Variants in NXN observed in about 807,000 individuals in gnomAD.
The protein encoded by NXN is nucleoredoxin.
NXN carries 16 observed loss-of-function variants against 48.6 expected under a neutral mutation model. The ratio of observed to expected loss-of-function variants is 0.33; its 90% CI spans 0.22 to 0.50. The LOEUF (loss-of-function observed/expected upper bound fraction) is 0.50, where lower values mean the gene tolerates loss of function less well. NXN is among the 20% of genes least tolerant of loss of function. The pLI, the probability that NXN is intolerant of heterozygous loss-of-function variation, is 0.98. For synonymous variants in NXN, 281 were observed against 269.6 expected, an observed-to-expected ratio of 1.04 and a Z score of -0.41; for missense variants, 492 against 605.5, an observed-to-expected ratio of 0.81 and a Z score of 1.97.
In NXN at chr17:978,893, A is replaced by G. The variant is rs904610769; in HGVS notation, c.360+426T>C. 1.3e-5 allele frequency among the ~76,000 whole-genome samples: 2 copies of G among 150,668 alleles called. No individual in the cohort carries two copies. The highest frequency in any genetic ancestry group is 1.3e-4 in the Admixed American group (2 of 15,186). ...ATCCGCGGGGGTCGGCGGCGGAGGCAGGAAGGGCCTGGCGCCTCTGCTCGC... is the reference window on the plus strand; with the variant it reads ...ATCCGCGGGGGTCGGCGGCGGAGGCGGGAAGGGCCTGGCGCCTCTGCTCGC... On this transcript the variant is annotated intron_variant, in intron 1 of 7. Coordinates refer to ENST00000336868, the MANE Select transcript of NXN (RefSeq NM_022463.5). The surrounding 1 kb of genome is among the most constrained non-coding windows in gnomAD (Gnocchi z 4.1).
chr17:940,129 G>C (rs1236288504), intron 1 of NXN, among the ~76,000 whole-genome samples: 1 of 143,538 alleles, frequency 7.0e-6, no homozygotes, highest in African/African-American at 2.5e-5. Context: ...GGTAGAGATC[G>C]AGGTGGGGGG....
At chr17:976,967 T>G (rs891667427) in intron 1 of NXN, among the ~76,000 whole-genome samples, 1 of 152,122 alleles carries the variant, frequency 6.6e-6, no homozygotes, top group Non-Finnish European at 1.5e-5. Context: ...GGTTTCTCCA[T>G]GTTGGTCAGG....
At chr17:846,142 G>A (rs1027558960) in intron 1 of NXN, among the ~76,000 whole-genome samples, 1 of 152,012 alleles carries the variant, frequency 6.6e-6, no homozygotes, top group Non-Finnish European at 1.5e-5. Context: ...CAATTTTAAG[G>A]AAATTGCCAG....
Position 801,082 on chromosome 17 carries a change from G to A in NXN, c.1175C>T (p.Ala392Val). The change falls in exon 8 of 8, where the codon GCC becomes GTC. Residue 392 changes from alanine (A) to valine (V), a missense_variant. This residue lies in a region of NXN where 303 missense variants were observed against 388.3 expected (regional missense o/e 0.78). Transcript: ENST00000336868. ...CATGTCCAGGATGGTGAGCAAAGGG[G>A]CAGCCTCAGGCAGGTTGGTGTAATC... The part of the protein sequence containing the change: ...LRDYTNLPEA[A>V]PLLTILDMSA... The A allele has an allele frequency of 6.3e-7, 1 of 1,575,110 alleles. No individual in the cohort carries two copies. Among genetic ancestry groups the A allele is most frequent in the Non-Finnish European group, 8.6e-7 (1 of 1,159,698 alleles).
intron 1 of NXN, among the ~76,000 whole-genome samples, chr17:861,788 T>C (rs1047555010): frequency 6.6e-6 from 1 of 151,932 alleles, no homozygotes; most frequent in South Asian, 2.1e-4. Context: ...GAGTCTGAAA[T>C]GATACTAAAA....
rs2069464683 is a variant in NXN at position 976,800 on chromosome 17, C to T, written c.360+2519G>A. On this transcript the variant is annotated intron_variant, in intron 1 of 7. Transcript: ENST00000336868. ...TTTTTTTTTGAGACAGAGTTTCGCT[C>T]TTGTTGCCCAGACTGGGGTGCAATG... Among the ~76,000 whole-genome samples the T allele has an allele frequency of 2.0e-5, 3 of 148,366 alleles. No homozygotes were observed. The South Asian group carries it at 6.3e-4, about 31-fold the overall frequency.
chr17:979,018 G>C (rs1474033773), intron 1 of NXN, among the ~76,000 whole-genome samples: 1 of 149,258 alleles, frequency 6.7e-6, no homozygotes, highest in Non-Finnish European at 1.5e-5. Context: ...GATCCCGGGG[G>C]CCGAGGGGGG....
At chr17:850,197 T>C (rs1451226454) in intron 1 of NXN, among the ~76,000 whole-genome samples, 1 of 152,104 alleles carries the variant, frequency 6.6e-6, no homozygotes, top group Non-Finnish European at 1.5e-5. Context: ...TGACGGACGC[T>C]CTCAGCCCTT....
At chr17:872,613 CTTT>C (rs34081114) in intron 1 of NXN, among the ~76,000 whole-genome samples, 8 of 75,414 alleles carry the variant, frequency 1.1e-4, no homozygotes, top group East Asian at 4.1e-4. Flanking sequence ...CGGGTGAGAT[CTTT>C]TTTTTTTTTT....
At chr17:812,916 AGGTG>A (rs1912229506) in intron 5 of NXN, among the ~76,000 whole-genome samples, 1 of 97,274 alleles carries the variant, frequency 1.0e-5, no homozygotes, top group African/African-American at 3.9e-5. Flanking sequence ...GTGTGACTGT[AGGTG>A]TGTGCGTGTG....
At chr17:945,596 A>T (rs1597264086) in intron 1 of NXN, among the ~76,000 whole-genome samples, 2 of 145,362 alleles carry the variant, frequency 1.4e-5, no homozygotes, top group African/African-American at 5.2e-5. Context: ...GTGCCACTGC[A>T]CTCCAGCCTG....
chr17:892,050 ACC>A (rs2068427103), intron 1 of NXN, among the ~76,000 whole-genome samples: 1 of 150,822 alleles, frequency 6.6e-6, no homozygotes, highest in East Asian at 2.0e-4. Context: ...CCAACAGGGA[ACC>A]TAAACTAACC....
intron 1 of NXN, among the ~76,000 whole-genome samples, chr17:835,170 T>C (rs1009550049): frequency 2.0e-5 from 3 of 150,188 alleles, no homozygotes; most frequent in African/African-American, 4.9e-5. Context: ...TAGCCGGGTG[T>C]GGTGACGGGT....
chr17:975,766 T>A (rs184507511), intron 1 of NXN, among the ~76,000 whole-genome samples: 18 of 152,320 alleles, frequency 1.2e-4, no homozygotes, highest in African/African-American at 4.3e-4. Context: ...AGTGCTCACT[T>A]CTATGAGGCT....
chr17:883,473 C>T (rs1016308024), intron 1 of NXN, among the ~76,000 whole-genome samples: 1 of 152,182 alleles, frequency 6.6e-6, no homozygotes, highest in Non-Finnish European at 1.5e-5. Flanking sequence ...ACCCCGCCTA[C>T]ATCACCTCCA....
intron 1 of NXN, among the ~76,000 whole-genome samples, chr17:918,661 T>A (rs991096176): frequency 6.6e-6 from 1 of 151,386 alleles, no homozygotes; most frequent in Admixed American, 6.6e-5. Flanking sequence ...GGCGCGGTGG[T>A]GGGCGGCTGT....
chr17:841,865 G>T (rs541160716), intron 1 of NXN, among the ~76,000 whole-genome samples: 1 of 152,174 alleles, frequency 6.6e-6, no homozygotes, highest in African/African-American at 2.4e-5. Flanking sequence ...GGTGGCGCAC[G>T]GCGGCTCACG....
intron 1 of NXN, among the ~76,000 whole-genome samples, chr17:829,293 T>C (rs1036107605): frequency 2.6e-5 from 4 of 151,768 alleles, no homozygotes; most frequent in African/African-American, 4.8e-5. Flanking sequence ...GTAGCTGGGA[T>C]TACAGGCATG....
rs570330514 is a variant in NXN at position 915,645 on chromosome 17, G to A, written c.360+63674C>T. On this transcript the variant is annotated intron_variant, in intron 1 of 7. Coordinates refer to ENST00000336868, the MANE Select transcript of NXN (RefSeq NM_022463.5). ...AGAATGAATGAGTACATAGTGTAAC[G>A]CTTCCGAGCTTTGGTGCAGGAGGAA... Among the ~76,000 whole-genome samples, 95 of 152,256 alleles carry A rather than the reference G, an allele frequency of 6.2e-4. 2 individuals carry two copies. Among genetic ancestry groups the A allele is most frequent in the African/African-American group, 2.9e-4 (12 of 41,560 alleles).
Sources: allele counts gnomAD v4.1 joint callset (sites outside exome capture counted in the v4.1 genomes callset), GRCh38; gene constraint gnomAD v4.1.1; regional missense constraint gnomAD v4.1.1; non-coding constraint Gnocchi (gnomAD v3.1); transcripts MANE v1.5; gene names NCBI Gene and HGNC (gene_info 2026-07-23, HGNC 2026-07-21).